Variants in COA1 observed in about 807,000 individuals in gnomAD.
The protein encoded by COA1 is cytochrome c oxidase assembly factor 1.
Under a neutral mutation model 16.0 loss-of-function variants are expected in COA1, and 13 were observed. The ratio of observed to expected loss-of-function variants is 0.81; its 90% CI spans 0.53 to 1.29. COA1 has a LOEUF of 1.29. Among genes scored for constraint, COA1 ranks in the 50% most tolerant of loss-of-function variants. COA1 has a pLI of 0.00. For missense variants in COA1, 179 were observed against 177.0 expected (o/e 1.01, Z -0.06); for synonymous variants, 65 against 65.7 (o/e 0.99, Z 0.05).
At chr7:43,645,554 TC>T (rs1563233857) in intron 3 of COA1, 155 bp from the exon 4 acceptor site, 1 of 659,612 alleles carries the variant, frequency 1.5e-6, no homozygotes, top group Non-Finnish European at 2.5e-6. Flanking sequence ...CTCTAAATTG[TC>T]CATTTTACAG....
At chr7:43,728,771 T>C (rs1413381532) in intron 1 of COA1, among the ~76,000 whole-genome samples, 3 of 152,078 alleles carry the variant, frequency 2.0e-5, no homozygotes, top group African/African-American at 7.2e-5. Context: ...AATAAAGCAA[T>C]AGCCCTCCGG....
At chr7:43,681,599 T>C (rs1211501936) in intron 1 of COA1, among the ~76,000 whole-genome samples, 1 of 152,212 alleles carries the variant, frequency 6.6e-6, no homozygotes, top group Non-Finnish European at 1.5e-5. Context: ...TATTGTAGAC[T>C]GCCCTTGATT....
At chr7:43,716,080 T>C (rs2095387678) in intron 1 of COA1, among the ~76,000 whole-genome samples, 1 of 152,162 alleles carries the variant, frequency 6.6e-6, no homozygotes, top group South Asian at 2.1e-4. Flanking sequence ...CTTTCTTTTG[T>C]AAATTGCCCA....
intron 6 of COA1, among the ~76,000 whole-genome samples, chr7:43,629,782 A>G (rs963148999): frequency 6.6e-6 from 1 of 152,206 alleles, no homozygotes; most frequent in Non-Finnish European, 1.5e-5. Context: ...TTTGCCCAAG[A>G]GCTCACAGCT....
At chr7:43,728,544 G>C (rs2095667436) in intron 1 of COA1, among the ~76,000 whole-genome samples, 1 of 152,160 alleles carries the variant, frequency 6.6e-6, no homozygotes, top group African/African-American at 2.4e-5. Flanking sequence ...TGTACCTGCA[G>C]GTGTGTTTTC....
At chr7:43,683,880 A>C (rs2093889442) in intron 1 of COA1, among the ~76,000 whole-genome samples, 1 of 152,220 alleles carries the variant, frequency 6.6e-6, no homozygotes, top group African/African-American at 2.4e-5. Context: ...AAACAGTTTT[A>C]TCATACGCAT....
chr7:43,666,606 T>C (rs2092908970), intron 1 of COA1, among the ~76,000 whole-genome samples: 1 of 152,212 alleles, frequency 6.6e-6, no homozygotes, highest in Non-Finnish European at 1.5e-5. Context: ...TAAGAATTAT[T>C]GGTAAAATGC....
intron 6 of COA1, chr7:43,625,810 G>A (rs1459898160): frequency 6.6e-6 from 1 of 151,618 alleles, no homozygotes; most frequent in Non-Finnish European, 1.5e-5. Flanking sequence ...TGTTTCTGCT[G>A]AGTTTCTTAT....
intron 1 of COA1, among the ~76,000 whole-genome samples, chr7:43,716,719 T>C (rs569483972): frequency 1.2e-4 from 19 of 152,260 alleles, no homozygotes; most frequent in African/African-American, 4.1e-4. Flanking sequence ...GGGGAAAATG[T>C]ATCCAGGCCA....
intron 6 of COA1, among the ~76,000 whole-genome samples, chr7:43,628,020 CTT>C (rs1008833383): frequency 1.8e-4 from 28 of 152,186 alleles, no homozygotes; most frequent in African/African-American, 5.5e-4. Context: ...GAGTTTTGCT[CTT>C]GTTGCCCAGG....
intron 4 of COA1, among the ~76,000 whole-genome samples, chr7:43,644,827 G>T (rs1189246539): frequency 1.3e-5 from 2 of 150,586 alleles, no homozygotes; most frequent in Non-Finnish European, 3.0e-5. Context: ...GAGAGAGAGA[G>T]AGAGAGACAG....
At chr7:43,665,074 G>C (rs2092786873) in intron 1 of COA1, among the ~76,000 whole-genome samples, 1 of 149,956 alleles carries the variant, frequency 6.7e-6, no homozygotes, top group South Asian at 2.1e-4. Flanking sequence ...ATGAAAAATA[G>C]GAGAATTGCT....
At chr7:43,653,331 A>G (rs2091194604) in intron 1 of COA1, among the ~76,000 whole-genome samples, 1 of 152,094 alleles carries the variant, frequency 6.6e-6, no homozygotes, top group Admixed American at 6.5e-5. Flanking sequence ...AAAAAAAAGT[A>G]TGAACGGCAA....
chr7:43,644,767 C>T (rs879866273), intron 4 of COA1, among the ~76,000 whole-genome samples: 9,391 of 80,496 alleles, frequency 0.12, 514 homozygotes, highest in Middle Eastern at 0.16. Context: ...GATAGGCAGG[C>T]AGGCAGGCAG....
At chr7:43,620,673 CAAA>C (rs34416780) in intron 6 of COA1, among the ~76,000 whole-genome samples, 6 of 131,306 alleles carry the variant, frequency 4.6e-5, no homozygotes, top group South Asian at 2.5e-4. Flanking sequence ...GACTCCGTCT[CAAA>C]AAAAAAAAAA....
chr7:43,669,112 CTGT>C (rs921551039), intron 1 of COA1, among the ~76,000 whole-genome samples: 9 of 152,166 alleles, frequency 5.9e-5, no homozygotes, highest in Admixed American at 5.2e-4. Flanking sequence ...GCCCTAGCTG[CTGT>C]TCCCCATTCG....
At chr7:43,615,613 G>A (rs868732227) in intron 6 of COA1, among the ~76,000 whole-genome samples, 1 of 152,102 alleles carries the variant, frequency 6.6e-6, no homozygotes, top group South Asian at 2.1e-4. Context: ...CAAAGAAAAC[G>A]TGGCCTGCCT....
intron 6 of COA1, among the ~76,000 whole-genome samples, chr7:43,616,812 G>T (rs1313202956): frequency 6.6e-6 from 1 of 152,188 alleles, no homozygotes; most frequent in Non-Finnish European, 1.5e-5. Context: ...CAGGAGAATG[G>T]CCTGAACCTG....
chr7:43,685,547 A>G (rs924147983), intron 1 of COA1, among the ~76,000 whole-genome samples: 1 of 152,174 alleles, frequency 6.6e-6, no homozygotes, highest in Non-Finnish European at 1.5e-5. Context: ...AACAAATATT[A>G]ATTGATTATA....
Sources: allele counts gnomAD v4.1 joint callset (sites outside exome capture counted in the v4.1 genomes callset), GRCh38; gene constraint gnomAD v4.1.1; transcripts MANE v1.5; gene names NCBI Gene and HGNC (gene_info 2026-07-23, HGNC 2026-07-21).